The following CCT2 variants were observed in gnomAD, a reference collection of about 807,000 sequenced individuals.
CCT2 encodes the protein T-complex protein 1 subunit beta.
In CCT2, 18 loss-of-function variants were observed where a neutral mutation model predicts 61.8. The ratio of observed to expected loss-of-function variants is 0.29; its 90% confidence interval spans 0.20 to 0.43. The LOEUF (loss-of-function observed/expected upper bound fraction) is 0.43. CCT2 is among the 20% of genes least tolerant of loss of function. The pLI is 1.00. For synonymous variants in CCT2, 248 were observed against 215.9 expected, an observed-to-expected ratio of 1.15 and a Z score of -1.30; for missense variants, 556 against 656.9, an observed-to-expected ratio of 0.85 and a Z score of 1.68.
At position 69,588,271 on chromosome 12, in the gene CCT2, A is replaced by G; in HGVS notation, c.446+9A>G. 1 of 1,564,360 alleles carries G rather than the reference A, an allele frequency of 6.4e-7. No homozygotes were observed. The highest frequency in any genetic ancestry group is 8.8e-7 in the Non-Finnish European group (1 of 1,134,746). ...TCTGCAGTTGATCATGGGTTTGTATAGCAAAGTACTACTGTTCTAAACATT... is the reference window on the plus strand; with the variant it reads ...TCTGCAGTTGATCATGGGTTTGTATGGCAAAGTACTACTGTTCTAAACATT... On this transcript the variant is annotated intron_variant, in intron 6 of 15. Transcript: ENST00000299300.
In CCT2 at chr12:69,586,761, T is replaced by C; in HGVS notation, c.87T>C (p.Phe29=). The stretch of plus-strand genomic sequence containing the variant: ...CTTGGTTTTTACTCCAGACTTCTTT[T>C]ATTGGTGCCATCGCCATTGGAGACT... ...ERAETARLTS[F]IGAIAIGDLV... Residue 29 remains phenylalanine, a synonymous_variant, in exon 3 of 16, where the codon TTT becomes TTC. Transcript: ENST00000299300. 6.3e-7 allele frequency: 1 copy of C among 1,599,498 alleles called. No individual in the cohort carries two copies. Among genetic ancestry groups the C allele is most frequent in the African/African-American group, 1.4e-5 (1 of 73,964 alleles).
chr12:69,593,731 T>C (rs1304745561), intron 10 of CCT2, 118 bp downstream of exon 10: 7 of 599,296 alleles, frequency 1.2e-5, no homozygotes, highest in Non-Finnish European at 2.1e-5. Context: ...TTCTGAAATC[T>C]ATTCTCTTGG....
rs2071616757 is a variant in CCT2 at position 69,597,141 on chromosome 12, TG to T, written c.983-14del. 1 of 1,611,626 alleles carries T rather than the reference TG, an allele frequency of 6.2e-7. No homozygotes were observed. Among genetic ancestry groups the T allele is most frequent in the Non-Finnish European group, 8.5e-7 (1 of 1,178,356 alleles). ...GCCTGCTGTGCATTTAACTAATACATGTTTATGTTTATAGGTGGTGAAATTG... is the reference window on the plus strand; with the variant it reads ...GCCTGCTGTGCATTTAACTAATACATTTTATGTTTATAGGTGGTGAAATTG... On this transcript the variant is annotated splice_polypyrimidine_tract_variant and intron_variant, in intron 10 of 15. Transcript: ENST00000299300.
chr12:69,593,440 GT>G, intron 9 of CCT2, 69 bp from the exon 10 acceptor site: 1 of 996,266 alleles, frequency 1.0e-6, no homozygotes. Flanking sequence ...ATGTTTACAT[GT>G]TTTTTAGTCT....
chr12:69,586,042 T>G, intron 1 of CCT2: 2 of 1,388,472 alleles, frequency 1.4e-6, no homozygotes, highest in Middle Eastern at 2.7e-4. Context: ...GGTGTATAAT[T>G]TATACTCCCG....
At chr12:69,595,903 G>A (rs1054509414) in intron 10 of CCT2, among the ~76,000 whole-genome samples, 1 of 152,132 alleles carries the variant, frequency 6.6e-6, no homozygotes, top group South Asian at 2.1e-4. Flanking sequence ...GTTCTTGCAA[G>A]TGTCATTAAA....
Position 69,587,957 on chromosome 12 carries a change from T to G in CCT2, c.284T>G (p.Val95Gly), listed in dbSNP as rs1462179267. ...ATGTCAAGGGTTCAAGATGATGAAG[T>G]TGGTGATGGCACTACCTCTGTTACC... ...VDMSRVQDDE[V>G]GDGTTSVTVL... The change falls in exon 5 of 16, where the codon GTT becomes GGT. Residue 95 changes from valine (V) to glycine (G), a missense_variant. By Grantham distance (109) the Val-to-Gly change is moderately radical (BLOSUM62 -3). Coordinates refer to ENST00000299300, the MANE Select transcript of CCT2 (RefSeq NM_006431.3). The G allele has an allele frequency of 6.2e-7, 1 of 1,613,474 alleles. No individual in the cohort carries two copies. Among genetic ancestry groups the G allele is most frequent in the East Asian group, 2.2e-5 (1 of 44,882 alleles).
intron 6 of CCT2, 75 bp downstream of exon 6, chr12:69,588,337 G>C: frequency 1.9e-6 from 2 of 1,080,400 alleles, no homozygotes; most frequent in Non-Finnish European, 2.8e-6. Context: ...GAAATCTATA[G>C]GACACTGAAA....
At chr12:69,591,445 G>A (rs1881832665) in intron 7 of CCT2, among the ~76,000 whole-genome samples, 1 of 152,052 alleles carries the variant, frequency 6.6e-6, no homozygotes. Context: ...CTGACTCCAC[G>A]GTGTCCATGG....
chr12:69,598,015 A>G lies in CCT2; in HGVS notation c.1279A>G (p.Arg427Gly). Residue 427 changes from arginine to glycine, a missense_variant, in exon 13 of 16, where the codon AGA becomes GGA. Physicochemically the swap from Arg to Gly is moderately radical, Grantham distance 125 (BLOSUM62 -2). Around this residue, in one of 3 missense-constraint regions of CCT2, gnomAD observed 225 missense variants for 249.8 expected, o/e 0.90. Coordinates refer to ENST00000299300, the MANE Select transcript of CCT2 (RefSeq NM_006431.3). ...TCATGCTGTGACACAGCTTGCCAAT[A>G]GAACACCAGGCAAAGAAGCTGTTGC... ...MAHAVTQLAN[R>G]TPGKEAVAME... is the part of the protein sequence containing the mutation. 1 of 1,614,078 alleles carries G rather than the reference A, an allele frequency of 6.2e-7. No homozygotes were observed. The highest frequency in any genetic ancestry group is 2.2e-5 in the East Asian group (1 of 44,864).
chr12:69,593,492 C>T lies in CCT2; in HGVS notation c.879-18C>T, dbSNP rs774766161. 12 of 1,481,802 alleles carry T rather than the reference C, an allele frequency of 8.1e-6. No individual in the cohort carries two copies. In the South Asian group the frequency reaches 1.4e-4, roughly 17 times the overall value. The allele number at this position is 1,481,802 out of a possible 1,614,324, so 91.8% of individuals were successfully genotyped here. On this transcript the variant is annotated intron_variant, in intron 9 of 15. Coordinates refer to ENST00000299300, the MANE Select transcript of CCT2 (RefSeq NM_006431.3). ...GTAACAGTTGTGAGCATAATGTTTT[C>T]ATGTATTTTATTTACAGGCAATTAA...
chr12:69,598,083 A>C lies in CCT2; in HGVS notation c.1335+12A>C. 1 of 1,570,954 alleles carries C rather than the reference A, an allele frequency of 6.4e-7. No homozygotes were observed. Among genetic ancestry groups the C allele is most frequent in the East Asian group, 2.2e-5 (1 of 44,646 alleles). On this transcript the variant is annotated intron_variant, in intron 13 of 15. Transcript: ENST00000299300. ...AAGCACTGAGAATGGTAAGTTAATC[A>C]AAATGAGAGATCCGAACTTAAGTTT...
chr12:69,597,941 A>T (rs375503893), intron 12 of CCT2, 27 bp from the exon 13 acceptor site: 1 of 1,575,034 alleles, frequency 6.3e-7, no homozygotes, highest in Non-Finnish European at 8.7e-7. Context: ...AAGCATTGCA[A>T]TATTTTATTG....
chr12:69,589,179 TCTCCCAAAGTGCTAGGATTA>T (rs905248461), intron 6 of CCT2: 3 of 375,900 alleles, frequency 8.0e-6, no homozygotes, highest in Non-Finnish European at 1.5e-5. Flanking sequence ...TCCTCCTCAG[TCTCCCAAAGTGCTAGGATTA>T]CAGGCGTGAG....
chr12:69,601,265 T>G (rs912315655), intron 15 of CCT2, 30 bp from the exon 16 acceptor site: 2 of 1,565,126 alleles, frequency 1.3e-6, no homozygotes, highest in South Asian at 1.2e-5. Flanking sequence ...TCTTCATTTT[T>G]CACTATTGAC....
Position 69,597,233 on chromosome 12 carries a change from A to G in CCT2, c.1060A>G (p.Ile354Val), listed in dbSNP as rs1372986407. Residue 354 changes from isoleucine to valine, a missense_variant, in exon 11 of 16, where the codon ATT (isoleucine) becomes GTT (valine). Coordinates refer to ENST00000299300, the MANE Select transcript of CCT2 (RefSeq NM_006431.3). ...TTGCAAACTTATCGAGGAAGTCATG[A>G]TTGGAGAAGACAAACTCATTCACTT... is the stretch of plus-strand genomic sequence containing the variant. ...GSCKLIEEVMIGEDKLIHFSG... is the reference protein window; with the variant it reads ...GSCKLIEEVMVGEDKLIHFSG... 1 of 1,613,938 alleles carries G rather than the reference A, an allele frequency of 6.2e-7. No individual in the cohort carries two copies. The highest frequency in any genetic ancestry group is 8.5e-7 in the Non-Finnish European group (1 of 1,179,930).
intron 10 of CCT2, among the ~76,000 whole-genome samples, chr12:69,595,666 G>A (rs2135857277): frequency 7.0e-6 from 1 of 142,198 alleles, no homozygotes; most frequent in Admixed American, 7.4e-5. Context: ...TCCAGCCTGG[G>A]TGACAGAGCG....
intron 7 of CCT2, among the ~76,000 whole-genome samples, chr12:69,591,035 G>T (rs1227013009): frequency 6.6e-6 from 1 of 152,082 alleles, no homozygotes; most frequent in Non-Finnish European, 1.5e-5. Context: ...TAGCATTTCT[G>T]ATAGGGGCTG....
chr12:69,587,926 C>G lies in CCT2; in HGVS notation c.257-4C>G. 6.2e-7 allele frequency: 1 copy of G among 1,606,392 alleles called. No individual in the cohort carries two copies. The highest frequency in any genetic ancestry group is 8.5e-7 in the Non-Finnish European group (1 of 1,173,692). ...TTGAGTTAATAACTAATTTCTTTTT[C>G]TAGATATGTCAAGGGTTCAAGATGA... On this transcript the variant is annotated splice_polypyrimidine_tract_variant and splice_region_variant and intron_variant, in intron 4 of 15. Transcript: ENST00000299300.
Sources: allele counts gnomAD v4.1 joint callset (sites outside exome capture counted in the v4.1 genomes callset), GRCh38; gene constraint gnomAD v4.1.1; regional missense constraint gnomAD v4.1.1; transcripts MANE v1.5; gene names NCBI Gene and HGNC (gene_info 2026-07-23, HGNC 2026-07-21).